Variants in ST8SIA6 observed in about 807,000 individuals in gnomAD.
The protein encoded by ST8SIA6 is ST8 alpha-N-acetyl-neuraminide alpha-2,8-sialyltransferase 6.
ST8SIA6 carries 39 observed loss-of-function variants against 33.6 expected under a neutral mutation model. The ratio of observed to expected loss-of-function variants is 1.16; its 90% confidence interval spans 0.90 to 1.52. The LOEUF is 1.52. ST8SIA6 is among the 40% of genes most tolerant of loss of function. The pLI is 0.00. For missense variants in ST8SIA6, 441 were observed against 443.8 expected (o/e 0.99, Z 0.06); for synonymous variants, 172 against 167.2 (o/e 1.03, Z -0.22).
chr10:17,323,551 G>A (rs933552117), intron 6 of ST8SIA6, among the ~76,000 whole-genome samples: 1 of 151,552 alleles, frequency 6.6e-6, no homozygotes, highest in Non-Finnish European at 1.5e-5. Context: ...TGCACCAAGC[G>A]AATTTGTATT....
intron 2 of ST8SIA6, among the ~76,000 whole-genome samples, chr10:17,439,271 C>CTTTT (rs146928120): frequency 1.6e-3 from 196 of 124,210 alleles, no homozygotes; most frequent in Non-Finnish European, 2.5e-3. Flanking sequence ...TCTTCCCTCT[C>CTTTT]TTTTTTTTTT....
chr10:17,431,999 C>T lies in ST8SIA6; in HGVS notation c.200+21560G>A, dbSNP rs553093110. Among the ~76,000 whole-genome samples the T allele has an allele frequency of 1.7e-3, 263 of 151,530 alleles. 1 individual carries two copies. Among genetic ancestry groups the T allele is most frequent in the African/African-American group, 6.1e-3 (254 of 41,474 alleles). On this transcript the variant is annotated intron_variant, in intron 2 of 7. Transcript: ENST00000377602. ...GAGTGGAGGCTGAAGGGAGAGACAG[C>T]CGGAAGCCGGAAGCCGAAAACCGGA...
chr10:17,329,349 C>A (rs926952870), intron 5 of ST8SIA6, among the ~76,000 whole-genome samples: 1 of 152,262 alleles, frequency 6.6e-6, no homozygotes, highest in East Asian at 1.9e-4. Context: ...CTCCAGAGTA[C>A]CTGCTCTAAA....
chr10:17,425,647 AGGG>A (rs1038604000), intron 2 of ST8SIA6, among the ~76,000 whole-genome samples: 10 of 148,894 alleles, frequency 6.7e-5, no homozygotes, highest in African/African-American at 2.2e-4. Flanking sequence ...GGAAGAAAGG[AGGG>A]AGGGAGGGAG....
intron 2 of ST8SIA6, among the ~76,000 whole-genome samples, chr10:17,437,942 G>T (rs571737849): frequency 4.5e-4 from 69 of 151,732 alleles, no homozygotes; most frequent in Non-Finnish European, 8.5e-4. Flanking sequence ...TATTGGCCAG[G>T]CCGATCTCGA....
Position 17,356,108 on chromosome 10 carries a change from A to T in ST8SIA6, c.377+3406T>A, listed in dbSNP as rs531267477. 3.3e-5 allele frequency among the ~76,000 whole-genome samples: 5 copies of T among 152,310 alleles called. No individual in the cohort carries two copies. The East Asian group carries it at 9.6e-4, about 29-fold the overall frequency. ...TTATATTTCTTGTCTTTCTAAAGTG[A>T]CTATAAATTCTTTGAGTTCAGTAAG... On this transcript the variant is annotated intron_variant, in intron 4 of 7. Coordinates refer to ENST00000377602, the MANE Select transcript of ST8SIA6 (RefSeq NM_001004470.3).
intron 4 of ST8SIA6, among the ~76,000 whole-genome samples, chr10:17,346,780 A>G (rs984052709): frequency 1.3e-5 from 2 of 152,182 alleles, no homozygotes; most frequent in African/African-American, 4.8e-5. Flanking sequence ...CTCCAGAAAA[A>G]TACAATCAAC....
At chr10:17,420,304 C>T (rs932104479) in intron 2 of ST8SIA6, among the ~76,000 whole-genome samples, 2 of 152,066 alleles carry the variant, frequency 1.3e-5, no homozygotes, top group South Asian at 4.1e-4. Context: ...CCCAGCTACT[C>T]GGGAGGCTGA....
intron 5 of ST8SIA6, 54 bp downstream of exon 5, chr10:17,331,354 A>G: frequency 6.5e-7 from 1 of 1,549,590 alleles, no homozygotes; most frequent in Non-Finnish European, 8.7e-7. Context: ...TTAAAGTAAA[A>G]GAAAATTCAC....
At chr10:17,437,006 G>A (rs1192384932) in intron 2 of ST8SIA6, among the ~76,000 whole-genome samples, 1 of 152,158 alleles carries the variant, frequency 6.6e-6, no homozygotes, top group Non-Finnish European at 1.5e-5. Flanking sequence ...TCAGCAGCGT[G>A]AAAACTAACT....
chr10:17,359,403 G>T, intron 4 of ST8SIA6, 111 bp downstream of exon 4: 3 of 735,570 alleles, frequency 4.1e-6, no homozygotes, highest in Non-Finnish European at 6.6e-6. Flanking sequence ...TGGCCTCATT[G>T]CCAGCTGGGG....
chr10:17,327,221 C>G (rs1051543907), intron 5 of ST8SIA6, 95 bp from the exon 6 acceptor site: 2 of 881,582 alleles, frequency 2.3e-6, no homozygotes, highest in African/African-American at 3.5e-5. Flanking sequence ...TTTATACATG[C>G]TAAGGAGAAG....
At chr10:17,453,335 C>A (rs764670172) in intron 2 of ST8SIA6, among the ~76,000 whole-genome samples, 23 of 152,090 alleles carry the variant, frequency 1.5e-4, no homozygotes, top group Non-Finnish European at 2.9e-4. Flanking sequence ...CTGGAGGATC[C>A]CCCTTGATTC....
intron 4 of ST8SIA6, among the ~76,000 whole-genome samples, chr10:17,333,690 T>TATAC (rs1848381061): frequency 2.6e-5 from 1 of 39,150 alleles, no homozygotes; most frequent in South Asian, 1.1e-3. Flanking sequence ...TATATATATA[T>TATAC]ATATATATAT....
intron 4 of ST8SIA6, among the ~76,000 whole-genome samples, chr10:17,350,058 C>T (rs1415158908): frequency 1.3e-5 from 2 of 152,122 alleles, no homozygotes; most frequent in African/African-American, 4.8e-5. Flanking sequence ...GGGAAGGCTT[C>T]CTTGAGGAAG....
intron 4 of ST8SIA6, among the ~76,000 whole-genome samples, chr10:17,345,912 A>G (rs1192023343): frequency 1.3e-5 from 2 of 152,222 alleles, no homozygotes; most frequent in Non-Finnish European, 2.9e-5. Flanking sequence ...GCACATGACA[A>G]GAAATGAAAC....
At chr10:17,343,620 C>T (rs1848742380) in intron 4 of ST8SIA6, among the ~76,000 whole-genome samples, 1 of 151,958 alleles carries the variant, frequency 6.6e-6, no homozygotes, top group Non-Finnish European at 1.5e-5. Flanking sequence ...TGAAATAAAA[C>T]ACAGAAAGAG....
At position 17,321,083 on chromosome 10, in the gene ST8SIA6, G is replaced by A; in HGVS notation, c.992C>T (p.Ala331Val). 1 of 1,614,076 alleles carries A rather than the reference G, an allele frequency of 6.2e-7. No homozygotes were observed. Among genetic ancestry groups the A allele is most frequent in the Non-Finnish European group, 8.5e-7 (1 of 1,179,984 alleles). ...CTTCACATTTTTACACAGTTCCACT[G>A]CAACACTTGTGATCATCAAGCCGGT... The part of the protein sequence containing the change: ...LSTGLMITSV[A>V]VELCKNVKLY... Residue 331 changes from alanine to valine, a missense_variant, in exon 8 of 8, where the codon GCA becomes GTA. Physicochemically the swap from Ala to Val is moderately conservative, Grantham distance 64 (BLOSUM62 0). Coordinates refer to ENST00000377602, the MANE Select transcript of ST8SIA6 (RefSeq NM_001004470.3).
intron 2 of ST8SIA6, among the ~76,000 whole-genome samples, chr10:17,433,893 G>C (rs1300699873): frequency 6.6e-6 from 1 of 151,998 alleles, no homozygotes; most frequent in Non-Finnish European, 1.5e-5. Flanking sequence ...CATATCCTGG[G>C]ACCCAGCCAT....
Sources: allele counts gnomAD v4.1 joint callset (sites outside exome capture counted in the v4.1 genomes callset), GRCh38; gene constraint gnomAD v4.1.1; transcripts MANE v1.5; gene names NCBI Gene and HGNC (gene_info 2026-07-23, HGNC 2026-07-21).